Variants in GCH1 observed in about 807,000 individuals in gnomAD.
GCH1 encodes the protein GTP cyclohydrolase I.
GCH1 carries 5 observed loss-of-function variants against 25.9 expected under a neutral mutation model. The ratio of observed to expected loss-of-function variants is 0.19; its 90% CI spans 0.10 to 0.41. The LOEUF is 0.41. Ranked by LOEUF, GCH1 falls within the 10% of genes least tolerant of loss-of-function variation. The pLI is 1.00. For missense variants in GCH1, 261 were observed against 336.5 expected, an observed-to-expected ratio of 0.78 and a Z score of 1.75; for synonymous variants, 159 against 129.6, an observed-to-expected ratio of 1.23 and a Z score of -1.54.
intron 1 of GCH1, among the ~76,000 whole-genome samples, chr14:54,902,040 G>A (rs1164356765): frequency 6.6e-6 from 1 of 152,178 alleles, no homozygotes; most frequent in Non-Finnish European, 1.5e-5. Flanking sequence ...CGCCCACCCG[G>A]GGCGTTCTAG....
chr14:54,879,846 G>A (rs1291261724), intron 1 of GCH1, among the ~76,000 whole-genome samples: 1 of 152,014 alleles, frequency 6.6e-6, no homozygotes, highest in Non-Finnish European at 1.5e-5. Context: ...TTAGCTGGGT[G>A]TGGTGGCACA....
At chr14:54,851,023 T>C (rs2039721964) in intron 3 of GCH1, among the ~76,000 whole-genome samples, 1 of 152,152 alleles carries the variant, frequency 6.6e-6, no homozygotes, top group African/African-American at 2.4e-5. Context: ...ATGGTGCTGG[T>C]ACCAAAACAG....
chr14:54,886,735 T>G (rs2040358966), intron 1 of GCH1, among the ~76,000 whole-genome samples: 2 of 152,178 alleles, frequency 1.3e-5, no homozygotes, highest in South Asian at 4.2e-4. Context: ...GTGGGAGAGC[T>G]AGATTTTGAC....
chr14:54,888,312 G>C (rs1192819281), intron 1 of GCH1, among the ~76,000 whole-genome samples: 1 of 152,144 alleles, frequency 6.6e-6, no homozygotes, highest in East Asian at 1.9e-4. Flanking sequence ...AACAGAGTGA[G>C]CGATGACAAT....
At chr14:54,876,783 T>C (rs968172179) in intron 1 of GCH1, among the ~76,000 whole-genome samples, 3 of 152,182 alleles carry the variant, frequency 2.0e-5, no homozygotes, top group Non-Finnish European at 4.4e-5. Context: ...TGTATATGCT[T>C]ATCTGCAAAA....
At chr14:54,874,959 T>C (rs1351410684) in intron 1 of GCH1, among the ~76,000 whole-genome samples, 1 of 152,090 alleles carries the variant, frequency 6.6e-6, no homozygotes, top group Non-Finnish European at 1.5e-5. Flanking sequence ...CTTCACAGAA[T>C]TGGAAAAAAC....
intron 1 of GCH1, among the ~76,000 whole-genome samples, chr14:54,868,153 C>A (rs2140078604): frequency 6.6e-6 from 1 of 152,316 alleles, no homozygotes; most frequent in African/African-American, 2.4e-5. Context: ...GTGGCTCACA[C>A]CTGTAATCCC....
chr14:54,896,325 T>A (rs2040482446), intron 1 of GCH1, among the ~76,000 whole-genome samples: 1 of 151,928 alleles, frequency 6.6e-6, no homozygotes, highest in Non-Finnish European at 1.5e-5. Context: ...AAGATGTGGG[T>A]TCCCACTCAC....
intron 1 of GCH1, among the ~76,000 whole-genome samples, chr14:54,870,644 C>T (rs962385940): frequency 5.9e-5 from 9 of 152,282 alleles, no homozygotes; most frequent in Admixed American, 2.0e-4. Flanking sequence ...CAGGTCACTC[C>T]CACCCTAATA....
chr14:54,898,852 A>C (rs115811653), intron 1 of GCH1, among the ~76,000 whole-genome samples: 1 of 152,144 alleles, frequency 6.6e-6, no homozygotes, highest in Admixed American at 6.5e-5. Context: ...TCTAACTCCT[A>C]ACCTCAAGTA....
intron 1 of GCH1, among the ~76,000 whole-genome samples, chr14:54,900,855 A>ACACT (rs1383124518): frequency 3.7e-5 from 5 of 136,024 alleles, no homozygotes; most frequent in Non-Finnish European, 6.4e-5. Flanking sequence ...TCACACACAC[A>ACACT]CACACACACA....
intron 1 of GCH1, among the ~76,000 whole-genome samples, chr14:54,873,282 T>A (rs1408141123): frequency 6.6e-6 from 1 of 152,186 alleles, no homozygotes; most frequent in African/African-American, 2.4e-5. Flanking sequence ...CATAAAGATG[T>A]TCTTTGAAAC....
At chr14:54,877,539 G>A (rs540847221) in intron 1 of GCH1, among the ~76,000 whole-genome samples, 3 of 152,162 alleles carry the variant, frequency 2.0e-5, no homozygotes, top group Admixed American at 6.5e-5. Context: ...TGTTGCCCAG[G>A]CTGGAATGCA....
At chr14:54,851,616 G>A (rs1427823481) in intron 3 of GCH1, among the ~76,000 whole-genome samples, 1 of 152,084 alleles carries the variant, frequency 6.6e-6, no homozygotes, top group Non-Finnish European at 1.5e-5. Flanking sequence ...ACAGACACAC[G>A]AAAAAATGCT....
At chr14:54,880,678 C>CATATATATACTCCAT in intron 1 of GCH1, among the ~76,000 whole-genome samples, 1 of 2,466 alleles carries the variant, frequency 4.1e-4, no homozygotes, top group Non-Finnish European at 1.2e-3. Context: ...ATATATACTC[C>CATATATATACTCCAT]ATATATATAT....
At chr14:54,866,174 G>T (rs1407929492) in intron 1 of GCH1, among the ~76,000 whole-genome samples, 1 of 151,664 alleles carries the variant, frequency 6.6e-6, no homozygotes, top group Non-Finnish European at 1.5e-5. Flanking sequence ...ACTATGCTAT[G>T]TGCAAAAGAA....
chr14:54,859,877 T>A lies in GCH1; in HGVS notation c.454-141A>T, dbSNP rs564132470. Reference sequence around the variant, plus strand: ...GTATTACCTTGAAAACATCTGGAACTGTTAAGACTTAGAAAATGAAACATT... The same window carrying A: ...GTATTACCTTGAAAACATCTGGAACAGTTAAGACTTAGAAAATGAAACATT... On this transcript the variant is annotated intron_variant, in intron 2 of 5. Coordinates refer to ENST00000491895, the MANE Select transcript of GCH1 (RefSeq NM_000161.3). 2.1e-5 allele frequency: 14 copies of A among 660,720 alleles called. No individual in the cohort carries two copies. In the African/African-American group the frequency reaches 2.4e-4, roughly 11 times the overall value. 40.9% of individuals were successfully genotyped at this position (660,720 alleles called of 1,614,324 possible).
intron 3 of GCH1, among the ~76,000 whole-genome samples, chr14:54,855,379 G>A (rs1426346231): frequency 2.0e-5 from 3 of 151,852 alleles, no homozygotes; most frequent in Admixed American, 6.6e-5. Context: ...GGTGGTACAC[G>A]CCTGTAATCC....
intron 1 of GCH1, among the ~76,000 whole-genome samples, chr14:54,894,142 T>C (rs933734720): frequency 1.3e-5 from 2 of 152,176 alleles, no homozygotes; most frequent in Admixed American, 1.3e-4. Flanking sequence ...AAAAAAGATA[T>C]GTTGAAGTCC....
Sources: allele counts gnomAD v4.1 joint callset (sites outside exome capture counted in the v4.1 genomes callset), GRCh38; gene constraint gnomAD v4.1.1; transcripts MANE v1.5; gene names NCBI Gene and HGNC (gene_info 2026-07-23, HGNC 2026-07-21).